Variants in TRIM24 observed in about 807,000 individuals in gnomAD.
TRIM24 encodes transcription intermediary factor 1-alpha.
In TRIM24, 29 loss-of-function variants were observed where a neutral mutation model predicts 123.9. The observed-to-expected ratio is 0.23, with a 90% CI of 0.17 to 0.32. TRIM24 has a LOEUF of 0.32. Among genes scored for constraint, TRIM24 ranks in the 10% least tolerant of loss-of-function variants. TRIM24 has a pLI of 1.00. For synonymous variants in TRIM24, 456 were observed against 461.1 expected, an observed-to-expected ratio of 0.99 and a Z score of 0.14; for missense variants, 932 against 1,295.3, an observed-to-expected ratio of 0.72 and a Z score of 4.31.
At chr7:138,488,308 C>A (rs1279028117) in intron 1 of TRIM24, among the ~76,000 whole-genome samples, 1 of 150,954 alleles carries the variant, frequency 6.6e-6, no homozygotes, top group Non-Finnish European at 1.5e-5. Context: ...CTCCTGAATT[C>A]ATGAATTTTT....
intron 7 of TRIM24, among the ~76,000 whole-genome samples, chr7:138,543,930 G>T (rs1294413991): frequency 6.6e-6 from 1 of 152,086 alleles, no homozygotes; most frequent in Non-Finnish European, 1.5e-5. Context: ...AAACTTGTAG[G>T]CTCAAGCGAG....
intron 15 of TRIM24, 50 bp from the exon 16 acceptor site, chr7:138,580,512 A>G: frequency 1.9e-6 from 3 of 1,575,110 alleles, no homozygotes; most frequent in Non-Finnish European, 2.6e-6. Flanking sequence ...GAAATAGTGA[A>G]GAGAGGAAAT....
chr7:138,566,804 T>C (rs1355929627), intron 9 of TRIM24, among the ~76,000 whole-genome samples: 2 of 152,220 alleles, frequency 1.3e-5, no homozygotes, highest in Non-Finnish European at 2.9e-5. Context: ...ATCTAAAACT[T>C]ACTAAGTGTT....
chr7:138,530,995 C>A (rs1434449158), intron 6 of TRIM24, among the ~76,000 whole-genome samples: 1 of 151,982 alleles, frequency 6.6e-6, no homozygotes, highest in Non-Finnish European at 1.5e-5. Flanking sequence ...ACTCTGTCAC[C>A]CAGGCTCGAG....
intron 2 of TRIM24, among the ~76,000 whole-genome samples, chr7:138,513,094 G>A (rs2116550957): frequency 6.6e-6 from 1 of 152,232 alleles, no homozygotes; most frequent in Middle Eastern, 3.4e-3. Context: ...CAAGCTCTTT[G>A]CCAAGGTGTA....
At chr7:138,548,893 A>G (rs1219533693) in intron 7 of TRIM24, among the ~76,000 whole-genome samples, 1 of 152,138 alleles carries the variant, frequency 6.6e-6, no homozygotes, top group Non-Finnish European at 1.5e-5. Context: ...TTACACCTCC[A>G]CATTTTGTCT....
chr7:138,578,158 G>C (rs980055286), intron 14 of TRIM24, among the ~76,000 whole-genome samples: 21 of 151,928 alleles, frequency 1.4e-4, no homozygotes, highest in African/African-American at 5.1e-4. Context: ...ATAGAAATAG[G>C]TACCTAGAAA....
Position 138,500,057 on chromosome 7 carries a change from A to G in TRIM24, c.365-4233A>G, listed in dbSNP as rs528837119. On this transcript the variant is annotated intron_variant, in intron 1 of 18. Transcript: ENST00000343526. Reference sequence around the variant, plus strand: ...ATTTAACTCACTTGTGTTGTGATCTACCATGTGTAATAAGAGACTTTAAAT... The same window carrying G: ...ATTTAACTCACTTGTGTTGTGATCTGCCATGTGTAATAAGAGACTTTAAAT... 3.9e-4 allele frequency among the ~76,000 whole-genome samples: 60 copies of G among 152,278 alleles called. 1 individual carries two copies. The South Asian group carries it at 0.012, about 31-fold the overall frequency.
At chr7:138,556,543 A>G (rs1048201672) in intron 9 of TRIM24, 1 of 152,226 alleles carries the variant, frequency 6.6e-6, no homozygotes, top group African/African-American at 2.4e-5. Flanking sequence ...TCCCCTGTGA[A>G]TGTAGGGGGA....
chr7:138,525,410 A>G, intron 5 of TRIM24, 53 bp downstream of exon 5: 1 of 1,031,660 alleles, frequency 9.7e-7, no homozygotes, highest in South Asian at 2.3e-5. Flanking sequence ...AAGTATATTC[A>G]CTTTTAGAAC....
chr7:138,512,122 T>C (rs1470694403), intron 2 of TRIM24, among the ~76,000 whole-genome samples: 1 of 152,192 alleles, frequency 6.6e-6, no homozygotes, highest in Admixed American at 6.5e-5. Context: ...ACATCTGTCA[T>C]CCAGGACACA....
chr7:138,486,265 A>AT (rs1387511175), intron 1 of TRIM24, among the ~76,000 whole-genome samples: 2 of 151,944 alleles, frequency 1.3e-5, no homozygotes, highest in Admixed American at 6.6e-5. Flanking sequence ...AATTGCAAAA[A>AT]TTTTTTCCCA....
intron 9 of TRIM24, among the ~76,000 whole-genome samples, chr7:138,562,537 A>G (rs1462508577): frequency 1.3e-5 from 2 of 152,128 alleles, no homozygotes; most frequent in Non-Finnish European, 2.9e-5. Flanking sequence ...GAATTTGACT[A>G]CAAACATGAT....
chr7:138,495,603 ATATT>A (rs1795888002), intron 1 of TRIM24, among the ~76,000 whole-genome samples: 2 of 151,668 alleles, frequency 1.3e-5, no homozygotes, highest in Non-Finnish European at 2.9e-5. Flanking sequence ...TTAGGATGGT[ATATT>A]TATTTTCTTT....
intron 3 of TRIM24, among the ~76,000 whole-genome samples, chr7:138,517,576 G>A (rs1365931760): frequency 4.6e-5 from 7 of 152,086 alleles, no homozygotes; most frequent in South Asian, 2.1e-4. Context: ...GTTTCACCAT[G>A]TTGGCCAGGC....
chr7:138,517,360 G>GTGTTTTGTTTTGTTT (rs574134474), intron 3 of TRIM24, among the ~76,000 whole-genome samples: 1 of 151,644 alleles, frequency 6.6e-6, no homozygotes, highest in African/African-American at 2.4e-5. Flanking sequence ...TTGTGTGTGT[G>GTGTTTTGTTTTGTTT]TGTTTTGTTT....
chr7:138,490,781 G>T, intron 1 of TRIM24: 1 of 495,754 alleles, frequency 2.0e-6, no homozygotes, highest in South Asian at 1.5e-5. Flanking sequence ...CCTTTTCTAT[G>T]TCTTTTCCAG....
In TRIM24 at chr7:138,460,834, C is replaced by G. The variant is rs779492141; in HGVS notation, c.286C>G (p.Leu96Val). The G allele has an allele frequency of 1.9e-6, 3 of 1,573,464 alleles. No homozygotes were observed. The highest frequency in any genetic ancestry group is 1.4e-5 in the African/African-American group (1 of 71,208). Residue 96 changes from leucine (L) to valine (V), a missense_variant, in exon 1 of 19, where the codon CTG (leucine) becomes GTG (valine). Transcript: ENST00000343526. ...QRYLMLPAPM[L>V]GSAETPPPVP... The stretch of plus-strand genomic sequence containing the variant: ...CTACCTCATGCTGCCCGCGCCCATG[C>G]TGGGCTCGGCCGAGACCCCGCCACC...
intron 1 of TRIM24, among the ~76,000 whole-genome samples, chr7:138,476,283 T>C (rs556038544): frequency 5.9e-5 from 9 of 152,100 alleles, no homozygotes; most frequent in Non-Finnish European, 1.3e-4. Context: ...ATTATTGAGG[T>C]ACAAAGAAAA....
Sources: allele counts gnomAD v4.1 joint callset (sites outside exome capture counted in the v4.1 genomes callset), GRCh38; gene constraint gnomAD v4.1.1; transcripts MANE v1.5; gene names NCBI Gene and HGNC (gene_info 2026-07-23, HGNC 2026-07-21).